The following LEPR variants were observed in gnomAD, a reference collection of about 807,000 sequenced individuals.
LEPR encodes the protein OB receptor.
Under a neutral mutation model 114.7 loss-of-function variants are expected in LEPR, and 56 were observed. The ratio of observed to expected loss-of-function variants is 0.49; its 90% CI spans 0.39 to 0.61. LEPR has a LOEUF of 0.61. Ranked by LOEUF, LEPR falls within the 20% of genes least tolerant of loss-of-function variation. The pLI, the probability that LEPR is intolerant of heterozygous loss-of-function variation, is 0.00. For synonymous variants in LEPR, 443 were observed against 461.4 expected, an observed-to-expected ratio of 0.96 and a Z score of 0.51; for missense variants, 1,202 against 1,352.9, an observed-to-expected ratio of 0.89 and a Z score of 1.75.
chr1:65,491,852 G>A (rs1218511567), intron 2 of LEPR, among the ~76,000 whole-genome samples: 1 of 152,018 alleles, frequency 6.6e-6, no homozygotes, highest in Non-Finnish European at 1.5e-5. Flanking sequence ...ATTGTGAGAT[G>A]AGCTATAGGG....
chr1:65,431,245 C>G (rs866880841), intron 2 of LEPR, among the ~76,000 whole-genome samples: 1 of 152,130 alleles, frequency 6.6e-6, no homozygotes, highest in South Asian at 2.1e-4. Context: ...TGTGAAGAAA[C>G]TTTCATTGAT....
At chr1:65,447,798 C>T (rs1441376825) in intron 2 of LEPR, among the ~76,000 whole-genome samples, 1 of 152,122 alleles carries the variant, frequency 6.6e-6, no homozygotes, top group African/African-American at 2.4e-5. Context: ...ACCTCAGCCT[C>T]CTAAAGTGCT....
chr1:65,615,907 C>T (rs1657496762), intron 14 of LEPR, 101 bp from the exon 15 acceptor site: 3 of 1,503,506 alleles, frequency 2.0e-6, no homozygotes, highest in East Asian at 2.4e-5. Context: ...TGATCTGGCC[C>T]CTGCCTCCTA....
In LEPR at chr1:65,524,342, G is replaced by C. The variant is rs1047172429; in HGVS notation, c.-20-41204G>C. ...TGGAAATCCAAGGGTTAGTGTTTCT[G>C]GGTTATTTTTCGCCTACCACAGATA... On this transcript the variant is annotated intron_variant, in intron 2 of 19. Coordinates refer to ENST00000349533, the MANE Select transcript of LEPR (RefSeq NM_002303.6). Among the ~76,000 whole-genome samples, 37 of 152,208 alleles carry C rather than the reference G, an allele frequency of 2.4e-4. 1 individual carries two copies. Among genetic ancestry groups the C allele is most frequent in the African/African-American group, 8.7e-4 (36 of 41,512 alleles).
chr1:65,547,008 TA>T (rs1366698795), intron 2 of LEPR, among the ~76,000 whole-genome samples: 1 of 152,210 alleles, frequency 6.6e-6, no homozygotes, highest in Non-Finnish European at 1.5e-5. Context: ...TGAGAGTTTT[TA>T]GCATGAAGGG....
chr1:65,558,654 T>G (rs1393533550), intron 2 of LEPR, among the ~76,000 whole-genome samples: 1 of 70,854 alleles, frequency 1.4e-5, no homozygotes, highest in Middle Eastern at 5.2e-3. Flanking sequence ...ACCCACTAAC[T>G]TGTCATCTAG....
chr1:65,427,144 CA>C (rs1308232855), intron 2 of LEPR, among the ~76,000 whole-genome samples: 4 of 152,188 alleles, frequency 2.6e-5, no homozygotes, highest in African/African-American at 9.7e-5. Flanking sequence ...TATAAGCGGT[CA>C]CTTATATTTG....
chr1:65,592,802 A>T lies in LEPR; in HGVS notation c.640A>T (p.Lys214Ter). The T allele has an allele frequency of 6.2e-7, 1 of 1,613,364 alleles. No homozygotes were observed. The highest frequency in any genetic ancestry group is 1.1e-5 in the South Asian group (1 of 91,064). ...CAACGACACTCTCCTTATGTGTTTG[A>T]AAATCACATCTGGTGGAGTAATTTT... Reference protein sequence around the residue: ...KLNDTLLMCLKITSGGVIFQS... With the variant: ...KLNDTLLMCL Residue 214 changes from lysine (K) to a stop codon, truncating the protein, a stop_gained, in exon 6 of 20, where the codon AAA (lysine) becomes TAA (stop). Coordinates refer to ENST00000349533, the MANE Select transcript of LEPR (RefSeq NM_002303.6). LOFTEE classifies it high-confidence loss of function.
chr1:65,492,105 C>A (rs1647901953), intron 2 of LEPR, among the ~76,000 whole-genome samples: 1 of 152,042 alleles, frequency 6.6e-6, no homozygotes, highest in African/African-American at 2.4e-5. Context: ...CCGAGTTCAA[C>A]CATAGCTTAT....
At chr1:65,426,283 T>C (rs932011772) in intron 2 of LEPR, among the ~76,000 whole-genome samples, 2 of 136,248 alleles carry the variant, frequency 1.5e-5, no homozygotes, top group African/African-American at 7.2e-5. Context: ...TGGTACATTA[T>C]GGTACAGCAT....
At chr1:65,553,473 A>G (rs1380561199) in intron 2 of LEPR, among the ~76,000 whole-genome samples, 2 of 151,778 alleles carry the variant, frequency 1.3e-5, no homozygotes, top group Admixed American at 6.6e-5. Flanking sequence ...TTGATCTTCA[A>G]TCTCTGACAT....
chr1:65,448,499 G>A (rs1646740245), intron 2 of LEPR, among the ~76,000 whole-genome samples: 1 of 152,128 alleles, frequency 6.6e-6, no homozygotes, highest in South Asian at 2.1e-4. Flanking sequence ...TAATGTCTTT[G>A]TCTGGTTTTG....
intron 5 of LEPR, chr1:65,576,887 T>C (rs1654623958): frequency 5.9e-6 from 2 of 337,408 alleles, no homozygotes; most frequent in Non-Finnish European, 1.2e-5. Flanking sequence ...CCAAGTTTTC[T>C]CCTCTCCAGA....
intron 2 of LEPR, among the ~76,000 whole-genome samples, chr1:65,495,763 G>A (rs1245363017): frequency 6.6e-6 from 1 of 152,108 alleles, no homozygotes; most frequent in Admixed American, 6.6e-5. Flanking sequence ...ACATGAATGA[G>A]CTTGGAGGAT....
chr1:65,531,143 A>G (rs1407000224), intron 2 of LEPR, among the ~76,000 whole-genome samples: 1 of 152,018 alleles, frequency 6.6e-6, no homozygotes, highest in African/African-American at 2.4e-5. Context: ...GTCTGGTCTC[A>G]TTTCCTACTG....
intron 2 of LEPR, among the ~76,000 whole-genome samples, chr1:65,557,770 G>C (rs1249479564): frequency 6.6e-6 from 1 of 151,998 alleles, no homozygotes; most frequent in Non-Finnish European, 1.5e-5. Context: ...ATTCCTTTTT[G>C]TACAGTTTAG....
intron 2 of LEPR, among the ~76,000 whole-genome samples, chr1:65,464,334 T>G (rs2100387294): frequency 6.6e-6 from 1 of 152,318 alleles, no homozygotes; most frequent in East Asian, 1.9e-4. Flanking sequence ...CGTTTATTGA[T>G]TTGCATATGT....
At chr1:65,586,052 T>A (rs1655294119) in intron 5 of LEPR, among the ~76,000 whole-genome samples, 1 of 152,050 alleles carries the variant, frequency 6.6e-6, no homozygotes, top group African/African-American at 2.4e-5. Context: ...TTATAATTAT[T>A]TTTTAGTCAT....
chr1:65,434,656 C>A lies in LEPR; in HGVS notation c.-21+9278C>A, dbSNP rs1646533910. The A allele has an allele frequency of 3.8e-5, 37 of 985,208 alleles. No homozygotes were observed. The South Asian group carries it at 1.6e-3, about 44-fold the overall frequency. 61.0% of individuals were successfully genotyped at this position (985,208 alleles called of 1,614,324 possible). ...GAGGAAGGACAGTGCAACTTTCCAC[C>A]CCTTTTCCTAAGAACAAGGTCTTTC... On this transcript the variant is annotated intron_variant, in intron 2 of 19. Coordinates refer to ENST00000349533, the MANE Select transcript of LEPR (RefSeq NM_002303.6).
Sources: gnomAD v4.1 joint callset for allele counts (sites outside exome capture counted in the v4.1 genomes callset) on GRCh38, gnomAD v4.1.1 for gene constraint, MANE v1.5 for transcripts, NCBI Gene and HGNC (gene_info 2026-07-23, HGNC 2026-07-21) for gene names.